Variants in PDCD10 observed in about 807,000 individuals in gnomAD.
PDCD10 encodes programmed cell death 10.
In PDCD10, 4 loss-of-function variants were observed where a neutral mutation model predicts 29.2. The observed-to-expected ratio is 0.14, with a 90% CI of 0.07 to 0.31. PDCD10 has a LOEUF of 0.31. Among genes scored for constraint, PDCD10 ranks in the 10% least tolerant of loss-of-function variants. PDCD10 has a pLI of 1.00. For missense variants in PDCD10, 183 were observed against 257.9 expected, an observed-to-expected ratio of 0.71 and a Z score of 1.99; for synonymous variants, 70 against 82.2, an observed-to-expected ratio of 0.85 and a Z score of 0.80.
At chr3:167,706,962 T>C (rs1722035264) in intron 3 of PDCD10, among the ~76,000 whole-genome samples, 2 of 152,216 alleles carry the variant, frequency 1.3e-5, no homozygotes, top group Admixed American at 1.3e-4. Context: ...AAGCCACTAA[T>C]GCTACCCTGA....
chr3:167,727,302 ATAT>A (rs759124746), intron 2 of PDCD10, among the ~76,000 whole-genome samples: 61 of 152,236 alleles, frequency 4.0e-4, no homozygotes, highest in Non-Finnish European at 6.5e-4. Flanking sequence ...GGCTCCTACG[ATAT>A]TTCAAAGCAA....
chr3:167,698,785 A>T (rs905169659), intron 4 of PDCD10, among the ~76,000 whole-genome samples: 1 of 152,210 alleles, frequency 6.6e-6, no homozygotes, highest in Non-Finnish European at 1.5e-5. Flanking sequence ...AGAAAAGCAT[A>T]TCTCTGATTA....
chr3:167,691,335 A>C (rs1720211994), intron 6 of PDCD10, among the ~76,000 whole-genome samples: 1 of 152,236 alleles, frequency 6.6e-6, no homozygotes, highest in South Asian at 2.1e-4. Flanking sequence ...AATGGTTAGG[A>C]AGTAAATTTT....
chr3:167,700,647 AAT>A (rs1721308670), intron 4 of PDCD10, among the ~76,000 whole-genome samples: 1 of 152,190 alleles, frequency 6.6e-6, no homozygotes, highest in South Asian at 2.1e-4. Context: ...TATAGACCCT[AAT>A]ATGATTCAAG....
At chr3:167,705,017 A>C (rs1286485310) in intron 3 of PDCD10, 122 bp from the exon 4 acceptor site, 2 of 623,346 alleles carry the variant, frequency 3.2e-6, no homozygotes, top group African/African-American at 3.6e-5. Flanking sequence ...TCTTGTTAAC[A>C]ATTGTACATC....
At chr3:167,705,272 T>TA (rs1213658308) in intron 3 of PDCD10, among the ~76,000 whole-genome samples, 1 of 152,130 alleles carries the variant, frequency 6.6e-6, no homozygotes, top group Non-Finnish European at 1.5e-5. Context: ...CTGCCAGGCT[T>TA]AAAAAACCTA....
intron 3 of PDCD10, among the ~76,000 whole-genome samples, chr3:167,711,168 A>C (rs991249377): frequency 2.0e-5 from 3 of 152,200 alleles, no homozygotes; most frequent in African/African-American, 7.2e-5. Flanking sequence ...ACCTCACCAA[A>C]CAAACTAAAT....
At chr3:167,704,432 G>A (rs943367190) in intron 4 of PDCD10, 1 of 160,952 alleles carries the variant, frequency 6.2e-6, no homozygotes. Context: ...CTTGCTATAC[G>A]GCCCAGGCTG....
chr3:167,721,690 C>A (rs1234855281), intron 2 of PDCD10, among the ~76,000 whole-genome samples: 1 of 152,186 alleles, frequency 6.6e-6, no homozygotes, highest in African/African-American at 2.4e-5. Flanking sequence ...AGTCCCATTT[C>A]TGACAGTTCT....
At chr3:167,701,634 A>G (rs1160351570) in intron 4 of PDCD10, among the ~76,000 whole-genome samples, 1 of 152,214 alleles carries the variant, frequency 6.6e-6, no homozygotes, top group African/African-American at 2.4e-5. Context: ...ATCAGCCTCT[A>G]CATCAGGGGA....
At chr3:167,726,379 G>A (rs1193023365) in intron 2 of PDCD10, among the ~76,000 whole-genome samples, 2 of 151,998 alleles carry the variant, frequency 1.3e-5, no homozygotes, top group South Asian at 2.1e-4. Flanking sequence ...GATTACAGGC[G>A]TGAGCCACTG....
chr3:167,701,359 T>C (rs1014302858), intron 4 of PDCD10, among the ~76,000 whole-genome samples: 30 of 152,196 alleles, frequency 2.0e-4, no homozygotes, highest in African/African-American at 6.8e-4. Context: ...CACACACATA[T>C]ATATGTATTG....
intron 4 of PDCD10, chr3:167,704,632 C>T: frequency 2.2e-6 from 1 of 462,536 alleles, no homozygotes; most frequent in Non-Finnish European, 3.9e-6. Flanking sequence ...TTCAAAAGCA[C>T]AAAGTGATGA....
intron 4 of PDCD10, chr3:167,704,572 C>A: frequency 3.7e-6 from 1 of 271,544 alleles, no homozygotes; most frequent in Non-Finnish European, 6.9e-6. Flanking sequence ...AAAAAAAACC[C>A]TCAAAAATAT....
At chr3:167,704,153 G>A (rs1379605232) in intron 4 of PDCD10, among the ~76,000 whole-genome samples, 1 of 152,076 alleles carries the variant, frequency 6.6e-6, no homozygotes, top group East Asian at 1.9e-4. Flanking sequence ...ACTGAAAAAC[G>A]TTTTTTAGAC....
intron 2 of PDCD10, among the ~76,000 whole-genome samples, chr3:167,727,899 C>A (rs1724373737): frequency 6.6e-6 from 1 of 152,198 alleles, no homozygotes; most frequent in Admixed American, 6.5e-5. Context: ...AACTATTAGC[C>A]CCAGACAATA....
chr3:167,684,919 T>C (rs1043806578), intron 8 of PDCD10, among the ~76,000 whole-genome samples: 2 of 151,336 alleles, frequency 1.3e-5, no homozygotes, highest in African/African-American at 4.8e-5. Flanking sequence ...AAAATAATCA[T>C]GCAGTTTCAA....
intron 2 of PDCD10, among the ~76,000 whole-genome samples, chr3:167,732,505 TA>T (rs555142719): frequency 2.6e-4 from 39 of 152,290 alleles, no homozygotes; most frequent in Non-Finnish European, 4.3e-4. Context: ...TGCAGAGATC[TA>T]AAGTGACAAC....
intron 2 of PDCD10, among the ~76,000 whole-genome samples, chr3:167,728,748 A>G (rs1345411092): frequency 1.3e-5 from 2 of 152,204 alleles, no homozygotes; most frequent in Admixed American, 1.3e-4. Context: ...TATTCTGCAT[A>G]GTCAGTCTAA....
Sources: gnomAD v4.1 joint callset for allele counts (sites outside exome capture counted in the v4.1 genomes callset) on GRCh38, gnomAD v4.1.1 for gene constraint, MANE v1.5 for transcripts, NCBI Gene and HGNC (gene_info 2026-07-23, HGNC 2026-07-21) for gene names.